Variants in CYSTM1 observed in about 807,000 individuals in gnomAD.
The protein encoded by CYSTM1 is cysteine rich transmembrane module containing 1, also known as cysteine-rich transmembrane module-containing protein 1.
In CYSTM1, 4 loss-of-function variants were observed where a neutral mutation model predicts 13.1. That is an observed-to-expected ratio of 0.31 (90% CI 0.15 to 0.70). The LOEUF is 0.70. Ranked by LOEUF, CYSTM1 falls within the 30% of genes least tolerant of loss-of-function variation. CYSTM1 has a pLI of 0.72. For synonymous variants in CYSTM1, 36 were observed against 42.7 expected, an observed-to-expected ratio of 0.84 and a Z score of 0.62; for missense variants, 96 against 121.6, an observed-to-expected ratio of 0.79 and a Z score of 0.99.
chr5:140,225,804 G>A (rs1188677355), intron 2 of CYSTM1, among the ~76,000 whole-genome samples: 1 of 152,222 alleles, frequency 6.6e-6, no homozygotes, highest in African/African-American at 2.4e-5. Context: ...ATCTACTGGA[G>A]ATAGAGATCT....
At chr5:140,176,605 A>G (rs929002575) in intron 1 of CYSTM1, among the ~76,000 whole-genome samples, 2 of 152,228 alleles carry the variant, frequency 1.3e-5, no homozygotes, top group Non-Finnish European at 2.9e-5. Context: ...CAGAGGTTTC[A>G]GAGTGACTTA....
rs2126670365 is a variant in CYSTM1 at position 140,230,006 on chromosome 5, A to T, written c.188-13299A>T. On this transcript the variant is annotated intron_variant, in intron 2 of 2. Transcript: ENST00000261811. The surrounding 1 kb of genome is among the most constrained non-coding windows in gnomAD (Gnocchi z 4.1). ...TTGCCTCAGCCTCCCAAGTAGCTGG[A>T]ACTACAGGCATGCACCACCATGCCC... 6.6e-6 allele frequency among the ~76,000 whole-genome samples: 1 copy of T among 152,200 alleles called. No individual in the cohort carries two copies. Among genetic ancestry groups the T allele is most frequent in the African/African-American group, 2.4e-5 (1 of 41,532 alleles).
chr5:140,202,553 C>T (rs1764245739), intron 2 of CYSTM1: 1 of 152,210 alleles, frequency 6.6e-6, no homozygotes, highest in Non-Finnish European at 1.5e-5. Flanking sequence ...TCCTTGTTGG[C>T]ACCTACTGAG....
intron 2 of CYSTM1, among the ~76,000 whole-genome samples, chr5:140,205,201 G>A (rs1374511334): frequency 1.3e-5 from 2 of 152,174 alleles, no homozygotes; most frequent in African/African-American, 4.8e-5. Flanking sequence ...CCATTGGCCA[G>A]CCAGCAGAAT....
At chr5:140,189,393 T>G (rs1764063354) in intron 1 of CYSTM1, among the ~76,000 whole-genome samples, 1 of 152,088 alleles carries the variant, frequency 6.6e-6, no homozygotes, top group African/African-American at 2.4e-5. Flanking sequence ...GATTGTAAGC[T>G]ACCTGAGAGC....
At chr5:140,229,110 G>A (rs142728288) in intron 2 of CYSTM1, among the ~76,000 whole-genome samples, 279 of 152,124 alleles carry the variant, frequency 1.8e-3, no homozygotes, top group African/African-American at 6.3e-3. Context: ...CTGTTGGTTT[G>A]TCTTACTGAT....
chr5:140,184,948 T>C (rs947170681), intron 1 of CYSTM1, among the ~76,000 whole-genome samples: 6 of 152,256 alleles, frequency 3.9e-5, no homozygotes, highest in Non-Finnish European at 2.9e-5. Flanking sequence ...GGTATGACTT[T>C]TCAGAATTTG....
chr5:140,232,397 G>GA (rs1764627480), intron 2 of CYSTM1, among the ~76,000 whole-genome samples: 1 of 152,128 alleles, frequency 6.6e-6, no homozygotes, highest in South Asian at 2.1e-4. Context: ...AATATGGAGG[G>GA]AAAAGGAAAG....
At chr5:140,188,654 C>T (rs1461675020) in intron 1 of CYSTM1, among the ~76,000 whole-genome samples, 1 of 151,876 alleles carries the variant, frequency 6.6e-6, no homozygotes, top group Non-Finnish European at 1.5e-5. Flanking sequence ...TGGCGGGCGC[C>T]TGTAGTCTCA....
chr5:140,237,245 A>G (rs1264743745), intron 2 of CYSTM1, among the ~76,000 whole-genome samples: 1 of 152,224 alleles, frequency 6.6e-6, no homozygotes. Flanking sequence ...GGAGAAACCT[A>G]GATCTGGACC....
intron 2 of CYSTM1, among the ~76,000 whole-genome samples, chr5:140,222,943 T>G (rs930374868): frequency 1.3e-5 from 2 of 152,250 alleles, no homozygotes; most frequent in African/African-American, 4.8e-5. Flanking sequence ...TCTCCTATTC[T>G]TACCCCCAAA....
intron 2 of CYSTM1, among the ~76,000 whole-genome samples, chr5:140,211,631 C>G (rs750734366): frequency 6.6e-6 from 1 of 152,294 alleles, no homozygotes; most frequent in East Asian, 1.9e-4. Flanking sequence ...CCCCTGGAAC[C>G]TCGTACAGCA....
intron 2 of CYSTM1, among the ~76,000 whole-genome samples, chr5:140,210,320 G>C (rs1460716408): frequency 6.6e-6 from 1 of 151,956 alleles, no homozygotes; most frequent in African/African-American, 2.4e-5. Flanking sequence ...ATTTTTTGTT[G>C]TGGGGGCTGT....
chr5:140,236,312 G>A (rs536747284), intron 2 of CYSTM1, among the ~76,000 whole-genome samples: 57 of 152,190 alleles, frequency 3.7e-4, no homozygotes, highest in African/African-American at 1.3e-3. Context: ...GTGGATGTGC[G>A]CGTCCCTGCA....
At chr5:140,197,977 CA>C (rs1272087077) in intron 2 of CYSTM1, among the ~76,000 whole-genome samples, 1 of 151,884 alleles carries the variant, frequency 6.6e-6, no homozygotes, top group Non-Finnish European at 1.5e-5. Flanking sequence ...GAGATTGTAG[CA>C]AAAAAACCCA....
intron 1 of CYSTM1, among the ~76,000 whole-genome samples, chr5:140,181,181 T>G (rs1248986074): frequency 1.3e-5 from 2 of 152,184 alleles, no homozygotes; most frequent in East Asian, 3.8e-4. Context: ...CAGAGTCAGT[T>G]GGGGAGAAAG....
At chr5:140,233,162 T>G (rs929151118) in intron 2 of CYSTM1, among the ~76,000 whole-genome samples, 1 of 152,214 alleles carries the variant, frequency 6.6e-6, no homozygotes, top group Admixed American at 6.5e-5. Context: ...TTATGAAAGC[T>G]TAGGGGCCTG....
intron 2 of CYSTM1, among the ~76,000 whole-genome samples, chr5:140,232,563 G>A (rs1403048120): frequency 6.6e-6 from 1 of 152,180 alleles, no homozygotes; most frequent in East Asian, 1.9e-4. Flanking sequence ...GAGAGATTAG[G>A]TAAAGTGAGA....
At chr5:140,211,855 G>C (rs1158974905) in intron 2 of CYSTM1, among the ~76,000 whole-genome samples, 1 of 152,206 alleles carries the variant, frequency 6.6e-6, no homozygotes, top group Non-Finnish European at 1.5e-5. Context: ...ACTGAGGCAG[G>C]AGAATTGCTT....
Sources: gnomAD v4.1 joint callset for allele counts (sites outside exome capture counted in the v4.1 genomes callset) on GRCh38, gnomAD v4.1.1 for gene constraint, Gnocchi (gnomAD v3.1) non-coding constraint, MANE v1.5 for transcripts, NCBI Gene and HGNC (gene_info 2026-07-23, HGNC 2026-07-21) for gene names.